The following PPP2R5C variants were observed in gnomAD, a reference collection of about 807,000 sequenced individuals.
The protein encoded by PPP2R5C is serine/threonine-protein phosphatase 2A 56 kDa regulatory subunit gamma isoform.
Under a neutral mutation model 68.9 loss-of-function variants are expected in PPP2R5C, and 7 were observed. That is an observed-to-expected ratio of 0.10 (90% CI 0.06 to 0.19). The LOEUF is 0.19. Among genes scored for constraint, PPP2R5C ranks in the 10% least tolerant of loss-of-function variants. The pLI, the probability that PPP2R5C is intolerant of heterozygous loss-of-function variation, is 1.00. For synonymous variants in PPP2R5C, 210 were observed against 222.2 expected (o/e 0.95, Z 0.49); for missense variants, 348 against 641.3 (o/e 0.54, Z 4.94).
chr14:101,869,550 T>C (rs1289606500), intron 2 of PPP2R5C, among the ~76,000 whole-genome samples: 3 of 152,228 alleles, frequency 2.0e-5, no homozygotes, highest in Non-Finnish European at 2.9e-5. Flanking sequence ...CAACAGTGCG[T>C]GAGTTCTCAT....
intron 2 of PPP2R5C, among the ~76,000 whole-genome samples, chr14:101,771,222 C>CGTGTGTGT (rs3993402): frequency 0.077 from 10,378 of 135,262 alleles, 523 homozygotes; most frequent in Admixed American, 0.12. Context: ...TTCTTCATCT[C>CGTGTGTGT]GTGTGTGTGT....
chr14:101,874,440 A>C (rs2140817618), intron 2 of PPP2R5C, among the ~76,000 whole-genome samples: 1 of 152,402 alleles, frequency 6.6e-6, no homozygotes, highest in Middle Eastern at 3.4e-3. Context: ...TACATCATTC[A>C]GAATCTATAC....
intron 2 of PPP2R5C, among the ~76,000 whole-genome samples, chr14:101,780,609 C>T (rs1233934278): frequency 2.0e-5 from 3 of 152,142 alleles, no homozygotes; most frequent in Admixed American, 6.6e-5. Context: ...TGGTTCCCTG[C>T]GTCCAGATCG....
chr14:101,919,980 A>AAAAAAAAAC (rs1555403926), intron 13 of PPP2R5C, among the ~76,000 whole-genome samples: 1 of 114,144 alleles, frequency 8.8e-6, no homozygotes, highest in African/African-American at 4.5e-5. Flanking sequence ...AAAAAAAAAA[A>AAAAAAAAAC]AAAAAAAAAA....
At chr14:101,894,898 A>G (rs1264471248) in intron 8 of PPP2R5C, among the ~76,000 whole-genome samples, 1 of 152,214 alleles carries the variant, frequency 6.6e-6, no homozygotes, top group East Asian at 1.9e-4. Context: ...GTTTGACAAC[A>G]TATTGAACTG....
At chr14:101,889,678 G>A (rs969601793) in intron 5 of PPP2R5C, 1 of 260,494 alleles carries the variant, frequency 3.8e-6, no homozygotes, top group African/African-American at 2.3e-5. Context: ...GCTTCAGAAA[G>A]ATCGCACCTG....
In PPP2R5C at chr14:101,890,142, T is replaced by A. The variant is rs566430194; in HGVS notation, c.630-95T>A. 2.4e-5 allele frequency: 28 copies of A among 1,162,286 alleles called. No homozygotes were observed. The Admixed American group carries it at 4.8e-4, about 20-fold the overall frequency. The allele number at this position is 1,162,286 out of a possible 1,614,324, so 72.0% of individuals were successfully genotyped here. Reference sequence around the variant, plus strand: ...CAGTGTTTGCACAAATAGATGCGCTTCTTGTTGCCTGGCTCCATGGCTCCT... The same window carrying A: ...CAGTGTTTGCACAAATAGATGCGCTACTTGTTGCCTGGCTCCATGGCTCCT... On this transcript the variant is annotated intron_variant, in intron 5 of 13. Transcript: ENST00000334743.
At chr14:101,927,381 C>A (rs778488403) in exon 14 of PPP2R5C, 1 of 152,622 alleles carries the variant, frequency 6.6e-6, no homozygotes, top group Non-Finnish European at 1.5e-5. Flanking sequence ...TTTTGGCCTC[C>A]TAAAGTTTCC....
chr14:101,840,482 CAAAAAAAAAAAAAAAA>C (rs10611025), intron 1 of PPP2R5C, among the ~76,000 whole-genome samples: 1 of 51,864 alleles, frequency 1.9e-5, no homozygotes, highest in African/African-American at 9.3e-5. Flanking sequence ...CCCCCACCAC[CAAAAAAAAAAAAAAAA>C]AAAAAAAAAA....
intron 1 of PPP2R5C, among the ~76,000 whole-genome samples, chr14:101,839,826 C>T (rs765719827): frequency 5.3e-5 from 8 of 152,122 alleles, no homozygotes; most frequent in Admixed American, 1.3e-4. Flanking sequence ...ATGCTGGACA[C>T]GGGGGTGTGG....
At chr14:101,910,399 CTATG>C (rs772695456) in intron 11 of PPP2R5C, among the ~76,000 whole-genome samples, 4 of 134,608 alleles carry the variant, frequency 3.0e-5, no homozygotes, top group Non-Finnish European at 4.5e-5. Flanking sequence ...ATGTGTGTAT[CTATG>C]TGTGTGTGTG....
At chr14:101,786,428 A>G (rs2038091809) in intron 3 of PPP2R5C, among the ~76,000 whole-genome samples, 1 of 152,144 alleles carries the variant, frequency 6.6e-6, no homozygotes, top group African/African-American at 2.4e-5. Flanking sequence ...TACACTAAGG[A>G]AACAGGAAAA....
intron 3 of PPP2R5C, among the ~76,000 whole-genome samples, chr14:101,788,217 C>T (rs1017950819): frequency 1.1e-4 from 16 of 152,202 alleles, no homozygotes; most frequent in Non-Finnish European, 1.5e-4. Context: ...GAAGGTTGGC[C>T]GTGTGCCCCA....
chr14:101,800,166 T>A (rs1357728174), intron 3 of PPP2R5C, among the ~76,000 whole-genome samples: 1 of 152,120 alleles, frequency 6.6e-6, no homozygotes, highest in Non-Finnish European at 1.5e-5. Flanking sequence ...GGGGGATCAC[T>A]TGAGCTCAGG....
chr14:101,829,362 A>G (rs993462275), intron 1 of PPP2R5C, among the ~76,000 whole-genome samples: 1 of 151,644 alleles, frequency 6.6e-6, no homozygotes. Flanking sequence ...TCCTTCTTCA[A>G]TCTCCAGCTA....
chr14:101,813,750 C>G (rs1325408465), intron 1 of PPP2R5C, among the ~76,000 whole-genome samples: 1 of 152,222 alleles, frequency 6.6e-6, no homozygotes, highest in Non-Finnish European at 1.5e-5. Context: ...GCAAACTTAT[C>G]CAGTGGATGA....
In PPP2R5C at chr14:101,877,719, T is replaced by TC. The variant is rs1566932097; in HGVS notation, c.295-4436dup. On this transcript the variant is annotated intron_variant, in intron 2 of 13. Coordinates refer to ENST00000334743, the Ensembl canonical transcript of PPP2R5C. This position sits in a 1 kb window ranked among gnomAD's most constrained non-coding sequence, Gnocchi z 4.2. The stretch of plus-strand genomic sequence containing the variant: ...GATAGACCGTTGGCCCTCTGTTCCT[T>TC]CCCCCCGCCCCAGTATTACTTTTTA... Among the ~76,000 whole-genome samples, 1 of 152,174 alleles carries TC rather than the reference T, an allele frequency of 6.6e-6. No individual in the cohort carries two copies. The highest frequency in any genetic ancestry group is 1.9e-4 in the East Asian group (1 of 5,180).
At position 101,882,346 on chromosome 14, in the gene PPP2R5C, G is replaced by T. The variant is rs930859857; in HGVS notation, c.405+75G>T. The T allele has an allele frequency of 2.5e-5, 30 of 1,189,356 alleles. No individual in the cohort carries two copies. The highest frequency in any genetic ancestry group is 3.3e-5 in the Non-Finnish European group (28 of 838,760). 73.7% of individuals were successfully genotyped at this position (1,189,356 alleles called of 1,614,324 possible). ...ATGGCCTGGGATCCACAGAGCGGGC[G>T]CACTGGTCTGGCCAGATGGACCTCT... is the stretch of plus-strand genomic sequence containing the variant. On this transcript the variant is annotated intron_variant, in intron 3 of 13. Transcript: ENST00000334743. The surrounding 1 kb of genome is among the most constrained non-coding windows in gnomAD (Gnocchi z 4.9).
intron 8 of PPP2R5C, among the ~76,000 whole-genome samples, chr14:101,896,108 C>T (rs1335950479): frequency 1.3e-5 from 2 of 152,132 alleles, no homozygotes; most frequent in Non-Finnish European, 2.9e-5. Context: ...CAACCTCTGC[C>T]TCCTGGGTTC....
Sources: gnomAD v4.1 joint callset for allele counts (sites outside exome capture counted in the v4.1 genomes callset) on GRCh38, gnomAD v4.1.1 for gene constraint, Gnocchi (gnomAD v3.1) non-coding constraint, MANE v1.5 for transcripts, NCBI Gene and HGNC (gene_info 2026-07-23, HGNC 2026-07-21) for gene names.